Variants in PRKN observed in about 807,000 individuals in gnomAD.
PRKN encodes the protein E3 ubiquitin-protein ligase parkin.
A neutral mutation model predicts 59.5 loss-of-function variants in PRKN; 56 were observed. The ratio of observed to expected loss-of-function variants is 0.94; its 90% CI spans 0.76 to 1.18. The LOEUF is 1.18. PRKN is among the 50% of genes most tolerant of loss of function. The probability of loss-of-function intolerance (pLI) is 0.00; values close to 1 mark genes in which losing one functional copy is unlikely to be tolerated. For missense variants in PRKN, 657 were observed against 596.4 expected, an observed-to-expected ratio of 1.10 and a Z score of -1.06; for synonymous variants, 250 against 222.1, an observed-to-expected ratio of 1.13 and a Z score of -1.12.
intron 4 of PRKN, among the ~76,000 whole-genome samples, chr6:162,114,525 T>C (rs1336414356): frequency 1.3e-5 from 2 of 152,060 alleles, no homozygotes; most frequent in Admixed American, 6.6e-5. Flanking sequence ...TTGTCTGTTG[T>C]TGGTGTATAA....
chr6:161,426,132 A>G (rs918329840), intron 9 of PRKN, among the ~76,000 whole-genome samples: 1 of 152,178 alleles, frequency 6.6e-6, no homozygotes, highest in African/African-American at 2.4e-5. Context: ...GAAAACAAAA[A>G]GAGGAAGAGA....
intron 9 of PRKN, among the ~76,000 whole-genome samples, chr6:161,432,800 T>C (rs1487820956): frequency 2.6e-5 from 4 of 152,134 alleles, no homozygotes; most frequent in Admixed American, 2.6e-4. Context: ...ATGACAAAAA[T>C]ATTTTATCAA....
In PRKN at chr6:161,518,889, G is replaced by C. The variant is rs1174519222; in HGVS notation, c.1083+29965C>G. On this transcript the variant is annotated intron_variant, in intron 9 of 11. Transcript: ENST00000366898. The surrounding 1 kb of genome is among the most constrained non-coding windows in gnomAD (Gnocchi z 5.0). ...AGAGCAGCCCTCCACACCAATGTCA[G>C]GGAGAGGAAGGCTGAGCACAAGAGA... Among the ~76,000 whole-genome samples, 1 of 152,210 alleles carries C rather than the reference G, an allele frequency of 6.6e-6. No homozygotes were observed. The highest frequency in any genetic ancestry group is 2.1e-4 in the South Asian group (1 of 4,830).
chr6:162,396,889 A>G (rs952250024), intron 2 of PRKN, among the ~76,000 whole-genome samples: 1 of 152,154 alleles, frequency 6.6e-6, no homozygotes, highest in African/African-American at 2.4e-5. Flanking sequence ...ATTTAGGTTC[A>G]AGGTGGGCTA....
intron 1 of PRKN, among the ~76,000 whole-genome samples, chr6:162,612,616 A>C (rs1176645570): frequency 7.6e-6 from 1 of 131,464 alleles, no homozygotes; most frequent in Admixed American, 7.8e-5. Flanking sequence ...AAAAAAAAAA[A>C]AACAGCAAAA....
intron 5 of PRKN, among the ~76,000 whole-genome samples, chr6:162,036,083 G>A (rs1783828796): frequency 6.6e-6 from 1 of 152,026 alleles, no homozygotes; most frequent in South Asian, 2.1e-4. Flanking sequence ...CCAGCACTTT[G>A]GGAGGCCGAG....
chr6:161,534,078 T>C lies in PRKN; in HGVS notation c.1083+14776A>G, dbSNP rs191055902. Among the ~76,000 whole-genome samples, 418 of 152,126 alleles carry C rather than the reference T, an allele frequency of 2.7e-3. 7 individuals carry two copies. The highest frequency in any genetic ancestry group is 3.0e-3 in the Non-Finnish European group (206 of 67,990). On this transcript the variant is annotated intron_variant, in intron 9 of 11. Coordinates refer to ENST00000366898, the MANE Select transcript of PRKN (RefSeq NM_004562.3). Reference sequence around the variant, plus strand: ...CTGGAAGCCCTTGCCTGGCCTCCATTGTCTGCAGGATGAAGTACTGAATCC... The same window carrying C: ...CTGGAAGCCCTTGCCTGGCCTCCATCGTCTGCAGGATGAAGTACTGAATCC...
chr6:161,576,495 A>C lies in PRKN; in HGVS notation c.872-7079T>G, dbSNP rs2128136637. 1.3e-5 allele frequency among the ~76,000 whole-genome samples: 2 copies of C among 152,346 alleles called. No individual in the cohort carries two copies. Among genetic ancestry groups the C allele is most frequent in the Middle Eastern group, 6.8e-3 (2 of 294 alleles). Reference sequence around the variant, plus strand: ...GCAACAACAAAACGACACATCTAAAATGACCATCAACAGAAGAAGAGATAA... The same window carrying C: ...GCAACAACAAAACGACACATCTAAACTGACCATCAACAGAAGAAGAGATAA... On this transcript the variant is annotated intron_variant, in intron 7 of 11. Coordinates refer to ENST00000366898, the MANE Select transcript of PRKN (RefSeq NM_004562.3). This position sits in a 1 kb window ranked among gnomAD's most constrained non-coding sequence, Gnocchi z 4.6.
intron 4 of PRKN, among the ~76,000 whole-genome samples, chr6:162,109,855 T>C (rs1201263297): frequency 6.6e-6 from 1 of 152,228 alleles, no homozygotes; most frequent in African/African-American, 2.4e-5. Context: ...AGGTGTATAT[T>C]GGACATTACT....
intron 6 of PRKN, among the ~76,000 whole-genome samples, chr6:161,849,240 C>T (rs943441426): frequency 3.3e-5 from 5 of 152,130 alleles, no homozygotes; most frequent in Non-Finnish European, 5.9e-5. Context: ...GTCTGCGTGA[C>T]GGACCCCCAC....
chr6:161,560,957 A>G lies in PRKN; in HGVS notation c.933+8398T>C, dbSNP rs1238568089. On this transcript the variant is annotated intron_variant, in intron 8 of 11. Coordinates refer to ENST00000366898, the MANE Select transcript of PRKN (RefSeq NM_004562.3). The surrounding 1 kb of genome is among the most constrained non-coding windows in gnomAD (Gnocchi z 4.9). ...TGGCAAAATTCCACGCCTGGAAAACATCACCTCCACCTTCCCTGGGCGTGT... is the reference window on the plus strand; with the variant it reads ...TGGCAAAATTCCACGCCTGGAAAACGTCACCTCCACCTTCCCTGGGCGTGT... Among the ~76,000 whole-genome samples the G allele has an allele frequency of 6.6e-6, 1 of 152,158 alleles. No homozygotes were observed. Among genetic ancestry groups the G allele is most frequent in the African/African-American group, 2.4e-5 (1 of 41,434 alleles).
intron 1 of PRKN, among the ~76,000 whole-genome samples, chr6:162,528,754 C>T (rs531303559): frequency 2.6e-5 from 4 of 152,100 alleles, no homozygotes; most frequent in East Asian, 3.9e-4. Context: ...GATCCCACAG[C>T]GCCACTGAAC....
At chr6:162,688,371 T>C (rs1777645871) in intron 1 of PRKN, among the ~76,000 whole-genome samples, 1 of 152,316 alleles carries the variant, frequency 6.6e-6, no homozygotes, top group East Asian at 1.9e-4. Context: ...GGTGAGAACA[T>C]GGGTGTATAC....
Position 162,241,496 on chromosome 6 carries a change from G to A in PRKN, c.412+21029C>T, listed in dbSNP as rs558787364. ...GAATTAGAGAGGTTGTGATTGAGAA[G>A]TGAGAAGTGGTTAAAGTGTTTTAAG... On this transcript the variant is annotated intron_variant, in intron 3 of 11. Coordinates refer to ENST00000366898, the MANE Select transcript of PRKN (RefSeq NM_004562.3). Among the ~76,000 whole-genome samples, 5 of 152,186 alleles carry A rather than the reference G, an allele frequency of 3.3e-5. No homozygotes were observed. In the East Asian group the frequency reaches 9.7e-4, roughly 29 times the overall value.
intron 2 of PRKN, among the ~76,000 whole-genome samples, chr6:162,411,839 A>C (rs903994802): frequency 6.6e-6 from 1 of 152,026 alleles, no homozygotes; most frequent in Non-Finnish European, 1.5e-5. Context: ...ACCTCACCCC[A>C]CCACATTTAA....
intron 1 of PRKN, among the ~76,000 whole-genome samples, chr6:162,483,805 A>T (rs769597062): frequency 6.6e-6 from 1 of 152,232 alleles, no homozygotes; most frequent in Non-Finnish European, 1.5e-5. Flanking sequence ...AGACATATGT[A>T]AGATGATGTG....
intron 1 of PRKN, among the ~76,000 whole-genome samples, chr6:162,599,228 T>C (rs539472895): frequency 1.3e-5 from 2 of 152,184 alleles, no homozygotes; most frequent in East Asian, 1.9e-4. Flanking sequence ...TAAGAAACAA[T>C]GAGTGGACAC....
chr6:161,612,718 C>CAAAAAAAA (rs57084261), intron 7 of PRKN, among the ~76,000 whole-genome samples: 4 of 59,630 alleles, frequency 6.7e-5, no homozygotes, highest in Admixed American at 2.2e-4. Flanking sequence ...GACTCCATCT[C>CAAAAAAAA]AAAAAAAAAA....
intron 6 of PRKN, among the ~76,000 whole-genome samples, chr6:161,920,886 G>A (rs768973372): frequency 4.8e-4 from 73 of 152,118 alleles, no homozygotes; most frequent in Middle Eastern, 3.4e-3. Flanking sequence ...GTGAGTGAAT[G>A]TGAAGGCCTA....
Sources: allele counts gnomAD v4.1 joint callset (sites outside exome capture counted in the v4.1 genomes callset), GRCh38; gene constraint gnomAD v4.1.1; non-coding constraint Gnocchi (gnomAD v3.1); transcripts MANE v1.5; gene names NCBI Gene and HGNC (gene_info 2026-07-23, HGNC 2026-07-21).